Variants in MASP1 observed in about 807,000 individuals in gnomAD.
The protein encoded by MASP1 is MBL associated serine protease 1.
A neutral mutation model predicts 77.1 loss-of-function variants in MASP1; 59 were observed. The observed-to-expected ratio is 0.77, with a 90% CI of 0.62 to 0.95. The LOEUF is 0.95. Ranked by LOEUF, MASP1 falls within the 40% of genes least tolerant of loss-of-function variation. The probability of loss-of-function intolerance (pLI) is 0.00; values close to 1 mark genes in which losing one functional copy is unlikely to be tolerated. For synonymous variants in MASP1, 362 were observed against 354.5 expected (o/e 1.02, Z -0.24); for missense variants, 885 against 912.9 (o/e 0.97, Z 0.39).
intron 4 of MASP1, among the ~76,000 whole-genome samples, chr3:187,259,003 TG>T (rs1314506952): frequency 6.6e-6 from 1 of 152,180 alleles, no homozygotes; most frequent in East Asian, 1.9e-4. Context: ...CTCCCTATAT[TG>T]ATTTTCTTGC....
intron 2 of MASP1, among the ~76,000 whole-genome samples, chr3:187,276,341 C>T (rs1038842936): frequency 6.6e-6 from 1 of 152,248 alleles, no homozygotes; most frequent in African/African-American, 2.4e-5. Flanking sequence ...GTAAGCCTCA[C>T]TTCAGAGATT....
chr3:187,272,576 T>A (rs1716612406), intron 2 of MASP1, among the ~76,000 whole-genome samples: 1 of 151,852 alleles, frequency 6.6e-6, no homozygotes, highest in African/African-American at 2.4e-5. Flanking sequence ...AAGAGGGAAG[T>A]TTGGACACAG....
intron 1 of MASP1, 198 bp downstream of exon 1, chr3:187,291,430 A>T (rs1718323282): frequency 1.5e-6 from 1 of 663,342 alleles, no homozygotes; most frequent in African/African-American, 1.8e-5. Flanking sequence ...TTCAAGTTTT[A>T]TGTCTCCTGG....
chr3:187,291,533 G>A lies in MASP1; in HGVS notation c.5+95C>T, dbSNP rs965480478. ...CCCCTCACTACCACATGCAGGACAC[G>A]CAGGTGAGTCTGTCAGTGACAAGGT... On this transcript the variant is annotated intron_variant, in intron 1 of 10. Coordinates refer to ENST00000296280, the MANE Select transcript of MASP1 (RefSeq NM_139125.4). 1.7e-5 allele frequency: 25 copies of A among 1,502,508 alleles called. No individual in the cohort carries two copies. In the Admixed American group the frequency reaches 1.8e-4, roughly 11 times the overall value. The allele number at this position is 1,502,508 out of a possible 1,614,324, so 93.1% of individuals were successfully genotyped here.
chr3:187,221,134 T>C (rs1277778929), exon 15 of MASP1: 1 of 1,612,392 alleles, frequency 6.2e-7, no homozygotes, highest in Non-Finnish European at 8.5e-7. Flanking sequence ...GGGATTTCAA[T>C]CTAGAACACA....
chr3:187,226,962 C>A (rs945861010), intron 11 of MASP1, among the ~76,000 whole-genome samples: 1 of 152,138 alleles, frequency 6.6e-6, no homozygotes, highest in Non-Finnish European at 1.5e-5. Flanking sequence ...CACCTCTGAT[C>A]CACTGAATCA....
At chr3:187,244,064 T>C (rs943107913) in intron 8 of MASP1, 1 of 216,158 alleles carries the variant, frequency 4.6e-6, no homozygotes, top group African/African-American at 2.3e-5. Context: ...CTAGTCCCAA[T>C]CCTAGGCTGA....
Position 187,243,624 on chromosome 3 carries a change from G to A in MASP1, c.1091-3C>T, listed in dbSNP as rs916163645. The A allele has an allele frequency of 2.5e-6, 4 of 1,614,062 alleles. No homozygotes were observed. The African/African-American group carries it at 4.0e-5, about 16-fold the overall frequency. On this transcript the variant is annotated splice_polypyrimidine_tract_variant and splice_region_variant and intron_variant, in intron 8 of 10. Coordinates refer to ENST00000296280, the MANE Select transcript of MASP1 (RefSeq NM_139125.4). Reference sequence around the variant, plus strand: ...TCCTGGGGCTCTACAGTCTACAACTGAGAGAGAAGAAGTGAGACCCCTCAA... The same window carrying A: ...TCCTGGGGCTCTACAGTCTACAACTAAGAGAGAAGAAGTGAGACCCCTCAA...
intron 2 of MASP1, among the ~76,000 whole-genome samples, chr3:187,284,878 C>G (rs1717718978): frequency 6.6e-6 from 1 of 152,194 alleles, no homozygotes; most frequent in Admixed American, 6.5e-5. Context: ...AAACTCACTT[C>G]TCTGCTGTTG....
intron 2 of MASP1, among the ~76,000 whole-genome samples, chr3:187,263,478 TAGG>T (rs1051294885): frequency 6.6e-6 from 1 of 152,062 alleles, no homozygotes; most frequent in Non-Finnish European, 1.5e-5. Context: ...GTGGGGATTG[TAGG>T]AGGAGATGTA....
Position 187,220,499 on chromosome 3 carries a change from T to TC in MASP1, c.1910-239_1910-238insG, listed in dbSNP as rs201621678. Reference sequence around the variant, plus strand: ...CTTTTCTTTTTCTTTTTTCTTTCTTTTTTTTTTTTTTTTTGAGATGGAGTC... The same window carrying TC: ...CTTTTCTTTTTCTTTTTTCTTTCTTTCTTTTTTTTTTTTTTGAGATGGAGTC... On this transcript the variant is annotated intron_variant, in intron 15 of 15. Transcript: ENST00000337774. 9.4e-3 allele frequency among the ~76,000 whole-genome samples: 1,360 copies of TC among 144,360 alleles called. 26 individuals are homozygous for TC. The highest frequency in any genetic ancestry group is 0.029 in the African/African-American group (1,139 of 39,154). 94.7% of individuals were successfully genotyped at this position (144,360 alleles called of 152,430 possible). A position where few individuals can be genotyped will look rare whatever the true frequency, so the allele number is the denominator to read the frequency against.
At chr3:187,230,388 G>T (rs1310235715), downstream of MASP1, among the ~76,000 whole-genome samples, 1 of 152,198 alleles carries the variant, frequency 6.6e-6, no homozygotes, top group South Asian at 2.1e-4. Flanking sequence ...CAGAGAGATT[G>T]CACCCTAATA....
At chr3:187,288,482 G>A (rs1490362891) in intron 1 of MASP1, among the ~76,000 whole-genome samples, 1 of 152,192 alleles carries the variant, frequency 6.6e-6, no homozygotes, top group Non-Finnish European at 1.5e-5. Context: ...AGGAGGTCAT[G>A]GGAGGTCTTG....
chr3:187,283,797 A>G (rs1293196548), intron 2 of MASP1, among the ~76,000 whole-genome samples: 2 of 152,330 alleles, frequency 1.3e-5, no homozygotes. Flanking sequence ...CGGTTAAGAC[A>G]ACTCTCCAAC....
chr3:187,276,481 C>T (rs1436148104), intron 2 of MASP1: 1 of 152,234 alleles, frequency 6.6e-6, no homozygotes, highest in Non-Finnish European at 1.5e-5. Flanking sequence ...GAAGTAAAGT[C>T]AGGCACTGCT....
chr3:187,284,092 C>G (rs1469863490), intron 2 of MASP1, among the ~76,000 whole-genome samples: 1 of 152,178 alleles, frequency 6.6e-6, no homozygotes, highest in East Asian at 1.9e-4. Context: ...ATCTAGATTA[C>G]CAATCCGCGT....
chr3:187,266,262 G>A (rs116942420), intron 2 of MASP1, among the ~76,000 whole-genome samples: 1 of 152,282 alleles, frequency 6.6e-6, no homozygotes, highest in East Asian at 1.9e-4. Context: ...AAATATGTGT[G>A]TACTAAGTTC....
chr3:187,280,586 G>A (rs1408713123), intron 2 of MASP1, among the ~76,000 whole-genome samples: 1 of 152,030 alleles, frequency 6.6e-6, no homozygotes, highest in Non-Finnish European at 1.5e-5. Flanking sequence ...TTAATTTCTT[G>A]CATTTTTGGA....
At chr3:187,247,148 G>A (rs544529656) in intron 8 of MASP1, 2 of 1,472,360 alleles carry the variant, frequency 1.4e-6, no homozygotes, top group East Asian at 2.5e-5. Context: ...CCCTCAAGTG[G>A]AGAATTTGCT....
Sources: gnomAD v4.1 joint callset for allele counts (sites outside exome capture counted in the v4.1 genomes callset) on GRCh38, gnomAD v4.1.1 for gene constraint, MANE v1.5 for transcripts, NCBI Gene and HGNC (gene_info 2026-07-23, HGNC 2026-07-21) for gene names.